Variants in DYRK4 observed in about 807,000 individuals in gnomAD.
DYRK4 encodes dual specificity tyrosine phosphorylation regulated kinase 4, also known as dual specificity tyrosine-phosphorylation-regulated kinase 4.
In DYRK4, 64 loss-of-function variants were observed where a neutral mutation model predicts 68.3. The ratio of observed to expected loss-of-function variants is 0.94; its 90% CI spans 0.77 to 1.15. DYRK4 has a LOEUF of 1.15. Among genes scored for constraint, DYRK4 ranks in the 50% most tolerant of loss-of-function variants. DYRK4 has a pLI of 0.00. For missense variants in DYRK4, 740 were observed against 764.7 expected (o/e 0.97, Z 0.38); for synonymous variants, 274 against 289.9 (o/e 0.95, Z 0.56).
chr12:4,588,793 T>C, intron 2 of DYRK4, 144 bp from the exon 3 acceptor site: 2 of 673,680 alleles, frequency 3.0e-6, no homozygotes, highest in Non-Finnish European at 5.0e-6. Flanking sequence ...TGAGTACTTA[T>C]TGGAGCCTCT....
chr12:4,568,703 T>C (rs1344145590), intron 2 of DYRK4, among the ~76,000 whole-genome samples: 2 of 152,218 alleles, frequency 1.3e-5, no homozygotes, highest in African/African-American at 2.4e-5. Context: ...ACTTTTTTTC[T>C]AATACAGACA....
chr12:4,589,875 G>A (rs1446953032), intron 3 of DYRK4, among the ~76,000 whole-genome samples: 1 of 152,190 alleles, frequency 6.6e-6, no homozygotes, highest in Non-Finnish European at 1.5e-5. Context: ...AGCTTATGTT[G>A]CACTGAGGAA....
At chr12:4,571,126 G>A (rs1353360778) in intron 2 of DYRK4, among the ~76,000 whole-genome samples, 1 of 152,208 alleles carries the variant, frequency 6.6e-6, no homozygotes, top group Non-Finnish European at 1.5e-5. Context: ...TGAGCTCCAG[G>A]ATCACAGCTT....
chr12:4,570,506 C>T (rs1259253809), intron 2 of DYRK4, among the ~76,000 whole-genome samples: 7 of 151,980 alleles, frequency 4.6e-5, no homozygotes, highest in Admixed American at 2.6e-4. Context: ...GGCTTCTGCA[C>T]GTGAAGTATT....
At chr12:4,603,020 G>A in intron 10 of DYRK4, 1 of 952,254 alleles carries the variant, frequency 1.1e-6, no homozygotes, top group South Asian at 1.6e-5. Context: ...AAGCTTGTTA[G>A]CTTGTACAAT....
chr12:4,605,229 GAAATTGTGT>G (rs2137396366), intron 11 of DYRK4, 143 bp downstream of exon 11: 1 of 667,874 alleles, frequency 1.5e-6, no homozygotes, highest in South Asian at 2.3e-5. Flanking sequence ...AAGGAGTTTT[GAAATTGTGT>G]ACTCCCTTGT....
chr12:4,566,795 T>C (rs1460503776), intron 1 of DYRK4, among the ~76,000 whole-genome samples: 1 of 152,228 alleles, frequency 6.6e-6, no homozygotes, highest in Non-Finnish European at 1.5e-5. Flanking sequence ...TTTTTTCATA[T>C]TGTCTGTATG....
Position 4,599,804 on chromosome 12 carries a change from G to C in DYRK4, c.1126+16G>C. On this transcript the variant is annotated intron_variant, in intron 10 of 14. Coordinates refer to ENST00000543431, the MANE Select transcript of DYRK4 (RefSeq NM_001394779.1). Reference sequence around the variant, plus strand: ...CACCAGAAAGGTGAGCCCCATGTCAGTCCCATCATCTGAGTTTTCCTATTG... The same window carrying C: ...CACCAGAAAGGTGAGCCCCATGTCACTCCCATCATCTGAGTTTTCCTATTG... 1 of 1,609,032 alleles carries C rather than the reference G, an allele frequency of 6.2e-7. No homozygotes were observed. Among genetic ancestry groups the C allele is most frequent in the Non-Finnish European group, 8.5e-7 (1 of 1,176,442 alleles).
rs1486756243 is a variant in DYRK4, at chr12:4,590,314, A to C, written c.214-16A>C. 1 of 1,527,890 alleles carries C rather than the reference A, an allele frequency of 6.5e-7. No homozygotes were observed. The highest frequency in any genetic ancestry group is 1.4e-5 in the African/African-American group (1 of 72,584). 94.6% of individuals were successfully genotyped at this position (1,527,890 alleles called of 1,614,324 possible). On this transcript the variant is annotated splice_polypyrimidine_tract_variant and intron_variant, in intron 3 of 14. Transcript: ENST00000543431. Reference sequence around the variant, plus strand: ...GCCTAAGGCTTTTGTAACACATGCAATTTCTCCTTCTACAGAACACCAGTG... The same window carrying C: ...GCCTAAGGCTTTTGTAACACATGCACTTTCTCCTTCTACAGAACACCAGTG...
At chr12:4,608,707 T>C (rs1945182995) in intron 12 of DYRK4, among the ~76,000 whole-genome samples, 1 of 152,182 alleles carries the variant, frequency 6.6e-6, no homozygotes, top group Non-Finnish European at 1.5e-5. Context: ...GCCAGGGCTG[T>C]CTTCCATTCT....
chr12:4,568,768 A>G (rs1944702137), intron 2 of DYRK4, among the ~76,000 whole-genome samples: 1 of 152,208 alleles, frequency 6.6e-6, no homozygotes, highest in Admixed American at 6.5e-5. Flanking sequence ...ACTGCACTGA[A>G]GTTAAAATTG....
intron 2 of DYRK4, 112 bp from the exon 3 acceptor site, chr12:4,588,825 A>G (rs2041294): frequency 0.54 from 516,308 of 958,754 alleles, 144,676 homozygotes; most frequent in African/African-American, 0.8. Context: ...CCAGCTAAGG[A>G]TTCAGGAGAG....
chr12:4,612,516 C>A, intron 13 of DYRK4, 27 bp from the exon 14 acceptor site: 1 of 1,600,252 alleles, frequency 6.2e-7, no homozygotes, highest in South Asian at 1.1e-5. Context: ...AAAACAATAA[C>A]CCATGTGGGG....
At chr12:4,599,201 C>G in intron 9 of DYRK4, 35 bp downstream of exon 9, 1 of 1,604,354 alleles carries the variant, frequency 6.2e-7, no homozygotes, top group Non-Finnish European at 8.5e-7. Context: ...TGGACACACT[C>G]TGGAAATACC....
rs1945241115 is a variant in DYRK4 at position 4,612,896 on chromosome 12, C to A, written c.1666+178C>A. The stretch of plus-strand genomic sequence containing the variant: ...AAGCATTTCTGAAGGATTTGCATGT[C>A]AATTTCTCTAACCTCAACCTGGGAT... On this transcript the variant is annotated intron_variant, in intron 14 of 14. Transcript: ENST00000543431. 4.8e-6 allele frequency: 3 copies of A among 628,318 alleles called. No individual in the cohort carries two copies. The African/African-American group carries it at 5.5e-5, about 12-fold the overall frequency. The allele number at this position is 628,318 out of a possible 1,614,324, so 38.9% of individuals were successfully genotyped here. A position where few individuals can be genotyped will look rare whatever the true frequency, so the allele number is the denominator to read the frequency against.
At chr12:4,588,082 C>G (rs1944915294) in intron 2 of DYRK4, among the ~76,000 whole-genome samples, 1 of 152,178 alleles carries the variant, frequency 6.6e-6, no homozygotes, top group Admixed American at 6.5e-5. Context: ...TTTGTAGAGA[C>G]AAGGTCTCTA....
At chr12:4,563,061 A>C (rs1944644498) in intron 1 of DYRK4, 2 of 456,110 alleles carry the variant, frequency 4.4e-6, no homozygotes. Flanking sequence ...GTCCAGGCTT[A>C]AGTGGAGACT....
intron 2 of DYRK4, among the ~76,000 whole-genome samples, chr12:4,568,588 G>A (rs1462201594): frequency 3.3e-5 from 5 of 152,050 alleles, no homozygotes; most frequent in Admixed American, 2.0e-4. Context: ...GTTTCTTCAT[G>A]TTGATCAGGC....
At chr12:4,602,145 C>T (rs1332154274) in intron 10 of DYRK4, 1 of 631,668 alleles carries the variant, frequency 1.6e-6, no homozygotes, top group South Asian at 1.6e-5. Flanking sequence ...TAATTAAGTT[C>T]AGCTTTCATA....
Sources: gnomAD v4.1 joint callset for allele counts (sites outside exome capture counted in the v4.1 genomes callset) on GRCh38, gnomAD v4.1.1 for gene constraint, MANE v1.5 for transcripts, NCBI Gene and HGNC (gene_info 2026-07-23, HGNC 2026-07-21) for gene names.